COL14A1: variants seen among roughly 807,000 people sequenced by gnomAD.
COL14A1 encodes the protein collagen type XIV alpha 1 chain, also known as collagen alpha-1(XIV) chain.
COL14A1 carries 136 observed loss-of-function variants against 230.3 expected under a neutral mutation model. The observed-to-expected ratio is 0.59, with a 90% CI of 0.51 to 0.68. The LOEUF (loss-of-function observed/expected upper bound fraction) is 0.68, where lower values mean the gene tolerates loss of function less well. COL14A1 is among the 30% of genes least tolerant of loss of function. The pLI is 0.00. For missense variants in COL14A1, 1,976 were observed against 2,215.8 expected (o/e 0.89, Z 2.17); for synonymous variants, 792 against 784.1 (o/e 1.01, Z -0.17).
chr8:120,204,961 C>T (rs937721821), intron 9 of COL14A1, among the ~76,000 whole-genome samples: 1 of 152,042 alleles, frequency 6.6e-6, no homozygotes. Context: ...AATATCTCTT[C>T]TCTACTTGAC....
intron 19 of COL14A1, among the ~76,000 whole-genome samples, chr8:120,232,927 G>A (rs1447118697): frequency 2.0e-5 from 3 of 152,160 alleles, no homozygotes; most frequent in Non-Finnish European, 4.4e-5. Context: ...TCTAGCATCT[G>A]TTGTTTCCTG....
chr8:120,335,287 A>C (rs766668579), intron 42 of COL14A1, among the ~76,000 whole-genome samples: 1 of 152,228 alleles, frequency 6.6e-6, no homozygotes, highest in African/African-American at 2.4e-5. Context: ...TCCCACAAAT[A>C]AAACACTTGT....
chr8:120,148,343 G>C (rs1815166904), intron 2 of COL14A1, among the ~76,000 whole-genome samples: 1 of 151,946 alleles, frequency 6.6e-6, no homozygotes, highest in African/African-American at 2.4e-5. Flanking sequence ...ATATTGGCCA[G>C]GCTGCTCTCG....
At chr8:120,276,276 G>GT (rs1819841704) in intron 26 of COL14A1, among the ~76,000 whole-genome samples, 1 of 150,850 alleles carries the variant, frequency 6.6e-6, no homozygotes, top group South Asian at 2.1e-4. Flanking sequence ...ATCAAATACC[G>GT]TATGTTCTCA....
chr8:120,321,215 A>G (rs1443247633), intron 40 of COL14A1, among the ~76,000 whole-genome samples: 2 of 152,228 alleles, frequency 1.3e-5, no homozygotes, highest in Admixed American at 1.3e-4. Context: ...TGAAGTAGAT[A>G]CTGATGCTTC....
chr8:120,151,291 TGAG>T (rs1453386092), intron 2 of COL14A1, among the ~76,000 whole-genome samples: 1 of 152,078 alleles, frequency 6.6e-6, no homozygotes, highest in Non-Finnish European at 1.5e-5. Context: ...AATTTAGTAG[TGAG>T]TTCCTGTGGG....
chr8:120,128,228 CGTGTGTGTGT>C (rs33988612), intron 1 of COL14A1, among the ~76,000 whole-genome samples: 239 of 146,784 alleles, frequency 1.6e-3, no homozygotes, highest in Middle Eastern at 6.9e-3. Flanking sequence ...TGTGCGCGCG[CGTGTGTGTGT>C]GTGTGTGTGT....
chr8:120,176,409 G>A (rs989620444), intron 5 of COL14A1, among the ~76,000 whole-genome samples: 2 of 152,076 alleles, frequency 1.3e-5, no homozygotes, highest in Non-Finnish European at 2.9e-5. Flanking sequence ...GGGCACATGA[G>A]TATTTTTGAG....
rs1812146652 is a variant in COL14A1 at position 120,371,279 on chromosome 8, T to A, written c.*48T>A. 6.7e-7 allele frequency: 1 copy of A among 1,483,658 alleles called. No homozygotes were observed. The highest frequency in any genetic ancestry group is 1.4e-5 in the African/African-American group (1 of 71,842). 91.9% of individuals were successfully genotyped at this position (1,483,658 alleles called of 1,614,324 possible). A position where few individuals can be genotyped will look rare whatever the true frequency, so the allele number is the denominator to read the frequency against. On this transcript the variant is annotated 3_prime_UTR_variant, in exon 48 of 48. Coordinates refer to ENST00000297848, the MANE Select transcript of COL14A1 (RefSeq NM_021110.4). Reference sequence around the variant, plus strand: ...ACCAACTGCAAGAACTCTTAAGGAATCTTGTTTGAGAAAATGTTGTTATGT... The same window carrying A: ...ACCAACTGCAAGAACTCTTAAGGAAACTTGTTTGAGAAAATGTTGTTATGT...
At chr8:120,226,550 C>T (rs1007887768) in intron 15 of COL14A1, 77 bp from the exon 16 acceptor site, 8 of 1,492,688 alleles carry the variant, frequency 5.4e-6, no homozygotes, top group Admixed American at 1.7e-5. Flanking sequence ...GAGTCTTCTA[C>T]ACCCCTGGGA....
chr8:120,228,305 C>G (rs111576851), intron 17 of COL14A1, among the ~76,000 whole-genome samples: 2 of 152,320 alleles, frequency 1.3e-5, no homozygotes, highest in African/African-American at 4.8e-5. Context: ...ATAGAAGATG[C>G]ATTGCTTGTC....
At chr8:120,330,748 A>G (rs1379464047) in intron 40 of COL14A1, among the ~76,000 whole-genome samples, 1 of 152,096 alleles carries the variant, frequency 6.6e-6, no homozygotes, top group Non-Finnish European at 1.5e-5. Context: ...CGGCCTTATC[A>G]TTGCTGTCTT....
intron 2 of COL14A1, among the ~76,000 whole-genome samples, chr8:120,149,018 A>G (rs1339764547): frequency 6.6e-6 from 1 of 152,214 alleles, no homozygotes; most frequent in African/African-American, 2.4e-5. Flanking sequence ...CATGACAGAA[A>G]CTATGTGTCC....
chr8:120,300,440 G>C (rs1245246921), intron 35 of COL14A1, among the ~76,000 whole-genome samples: 1 of 151,928 alleles, frequency 6.6e-6, no homozygotes, highest in Non-Finnish European at 1.5e-5. Flanking sequence ...GAATTAAATA[G>C]TAATCAAGAT....
At chr8:120,196,582 A>G (rs1314555558) in intron 5 of COL14A1, among the ~76,000 whole-genome samples, 1 of 152,122 alleles carries the variant, frequency 6.6e-6, no homozygotes, top group East Asian at 1.9e-4. Flanking sequence ...GTATTTTCCT[A>G]TTTCCAGAGT....
intron 5 of COL14A1, among the ~76,000 whole-genome samples, chr8:120,187,348 C>G (rs1047651817): frequency 6.6e-6 from 1 of 152,046 alleles, no homozygotes; most frequent in African/African-American, 2.4e-5. Flanking sequence ...TTTTATAAAG[C>G]GCTTTTTTGC....
chr8:120,212,873 A>G lies in COL14A1; in HGVS notation c.1597+296A>G, dbSNP rs531533874. Among the ~76,000 whole-genome samples the G allele has an allele frequency of 3.9e-5, 6 of 152,256 alleles. No individual in the cohort carries two copies. The East Asian group carries it at 1.2e-3, about 29-fold the overall frequency. On this transcript the variant is annotated intron_variant, in intron 13 of 47. Coordinates refer to ENST00000297848, the MANE Select transcript of COL14A1 (RefSeq NM_021110.4). The stretch of plus-strand genomic sequence containing the variant: ...GGGAAGAGTGTAGGCTTTGCAAGAT[A>G]GCAGCTGAGATGGGAATCTCAGCTC...
Position 120,160,889 on chromosome 8 carries a change from T to G in COL14A1, c.206-1537T>G, listed in dbSNP as rs532222462. 3.9e-5 allele frequency among the ~76,000 whole-genome samples: 6 copies of G among 152,342 alleles called. No individual in the cohort carries two copies. The East Asian group carries it at 9.6e-4, about 24-fold the overall frequency. On this transcript the variant is annotated intron_variant, in intron 3 of 47. Coordinates refer to ENST00000297848, the MANE Select transcript of COL14A1 (RefSeq NM_021110.4). ...CTGGTTTAAACAGAGTTTAAAGCTT[T>G]TTTTGTTTGTTTGTTTGTTTCAGGA...
intron 45 of COL14A1, among the ~76,000 whole-genome samples, chr8:120,362,595 C>T (rs1221557977): frequency 6.6e-6 from 1 of 152,018 alleles, no homozygotes; most frequent in Non-Finnish European, 1.5e-5. Context: ...AATCAGGCAA[C>T]CTGAAGTGGT....
Sources: allele counts gnomAD v4.1 joint callset (sites outside exome capture counted in the v4.1 genomes callset), GRCh38; gene constraint gnomAD v4.1.1; transcripts MANE v1.5; gene names NCBI Gene and HGNC (gene_info 2026-07-23, HGNC 2026-07-21).